The following WBP1L variants were observed in gnomAD, a reference collection of about 807,000 sequenced individuals.
WBP1L encodes WW domain binding protein 1 like.
Under a neutral mutation model 33.7 loss-of-function variants are expected in WBP1L, and 17 were observed. The observed-to-expected ratio is 0.50, with a 90% confidence interval of 0.34 to 0.76. WBP1L has a LOEUF of 0.76. Among genes scored for constraint, WBP1L ranks in the 30% least tolerant of loss-of-function variants. The pLI is 0.01. For missense variants in WBP1L, 389 were observed against 469.4 expected (o/e 0.83, Z 1.58); for synonymous variants, 173 against 190.8 (o/e 0.91, Z 0.77).
chr10:102,806,595 G>T (rs983587356), intron 2 of WBP1L, among the ~76,000 whole-genome samples: 1 of 152,228 alleles, frequency 6.6e-6, no homozygotes, highest in South Asian at 2.1e-4. Context: ...AAAGGAGACT[G>T]CTAAGTTCAC....
chr10:102,779,645 T>G (rs1843311409), intron 1 of WBP1L, among the ~76,000 whole-genome samples: 1 of 152,110 alleles, frequency 6.6e-6, no homozygotes, highest in South Asian at 2.1e-4. Context: ...GGCCCCAGAA[T>G]ATGCATTTCT....
intron 1 of WBP1L, among the ~76,000 whole-genome samples, chr10:102,748,125 G>C (rs1250566982): frequency 5.9e-5 from 9 of 151,904 alleles, no homozygotes; most frequent in Non-Finnish European, 1.3e-4. Context: ...GCATGGTGGT[G>C]GGCACCTGTA....
chr10:102,752,634 G>C (rs1842936567), intron 1 of WBP1L, among the ~76,000 whole-genome samples: 1 of 152,152 alleles, frequency 6.6e-6, no homozygotes, highest in Admixed American at 6.6e-5. Context: ...CTGATGGTCA[G>C]TTATTTTCTG....
intron 1 of WBP1L, among the ~76,000 whole-genome samples, chr10:102,767,245 T>C (rs1036249312): frequency 8.5e-5 from 13 of 152,300 alleles, no homozygotes; most frequent in African/African-American, 3.1e-4. Flanking sequence ...AAGTAATAAA[T>C]ATTTCTGCAG....
rs758588293 is a variant in WBP1L, at chr10:102,744,069, C to T, written c.16C>T (p.Leu6Phe). 2 of 1,552,228 alleles carry T rather than the reference C, an allele frequency of 1.3e-6. No individual in the cohort carries two copies. The highest frequency in any genetic ancestry group is 2.4e-5 in the South Asian group (2 of 84,034). ...CAGGAGGGGGATGGAGAGGAGAAGG[C>T]TCCTGGGTGGCATGGCGCTCCTGCT... MERRR[L>F]LGGMALLLLQ... The change falls in exon 1 of 4, where the codon CTC (leucine) becomes TTC (phenylalanine). Residue 6 changes from leucine (L) to phenylalanine (F), a missense_variant. Leu to Phe is a conservative substitution (Grantham distance 22). Coordinates refer to ENST00000448841, the MANE Select transcript of WBP1L (RefSeq NM_001083913.2).
intron 1 of WBP1L, among the ~76,000 whole-genome samples, chr10:102,792,575 ACTTTTTTTTTTCTTTT>A (rs1843515959): frequency 7.5e-6 from 1 of 133,962 alleles, no homozygotes; most frequent in African/African-American, 2.8e-5. Context: ...CTTCCTAGTT[ACTTTTTTTTTTCTTTT>A]CTTTTTTTTT....
intron 1 of WBP1L, among the ~76,000 whole-genome samples, chr10:102,792,300 G>A (rs951934937): frequency 2.0e-5 from 3 of 152,208 alleles, no homozygotes; most frequent in Non-Finnish European, 2.9e-5. Context: ...TCGCGTAAGC[G>A]CATTCATTAT....
intron 1 of WBP1L, among the ~76,000 whole-genome samples, chr10:102,770,880 C>G (rs1843179217): frequency 6.6e-6 from 1 of 152,196 alleles, no homozygotes; most frequent in Admixed American, 6.5e-5. Flanking sequence ...TTCTGATATT[C>G]TAATAGCTGA....
chr10:102,761,259 CCT>C (rs1283008815), intron 1 of WBP1L, among the ~76,000 whole-genome samples: 1 of 151,494 alleles, frequency 6.6e-6, no homozygotes, highest in Non-Finnish European at 1.5e-5. Flanking sequence ...CCTGCCTCAG[CCT>C]CTCAAGTAGC....
chr10:102,797,913 C>T (rs746147669), intron 1 of WBP1L, 80 bp from the exon 2 acceptor site: 135 of 1,292,690 alleles, frequency 1.0e-4, no homozygotes, highest in Non-Finnish European at 1.5e-4. Flanking sequence ...GGTGAATAGA[C>T]AACCAGGAGG....
chr10:102,789,159 C>T (rs999730660), intron 1 of WBP1L, among the ~76,000 whole-genome samples: 7 of 152,098 alleles, frequency 4.6e-5, no homozygotes, highest in African/African-American at 7.2e-5. Context: ...GATGGGTTTT[C>T]GCCATGTTGG....
chr10:102,771,977 T>G (rs920738228), intron 1 of WBP1L, among the ~76,000 whole-genome samples: 2 of 142,548 alleles, frequency 1.4e-5, no homozygotes, highest in Non-Finnish European at 3.0e-5. Context: ...TTTTTTTTTC[T>G]TGAGACGGAG....
At chr10:102,811,467 G>T (rs1843841970) in intron 3 of WBP1L, among the ~76,000 whole-genome samples, 1 of 152,186 alleles carries the variant, frequency 6.6e-6, no homozygotes. Context: ...CCAGTCTACA[G>T]TGTATTCTAC....
chr10:102,779,681 C>T (rs573489337), intron 1 of WBP1L, among the ~76,000 whole-genome samples: 1 of 128,962 alleles, frequency 7.8e-6, no homozygotes, highest in South Asian at 2.3e-4. Flanking sequence ...TGTTTCTGAT[C>T]CCGGTTGTTT....
At chr10:102,751,384 C>A (rs1029907583) in intron 1 of WBP1L, among the ~76,000 whole-genome samples, 35 of 149,936 alleles carry the variant, frequency 2.3e-4, no homozygotes, top group African/African-American at 7.9e-4. Flanking sequence ...GTGGTGCAAT[C>A]TCAGCTCACT....
intron 1 of WBP1L, among the ~76,000 whole-genome samples, chr10:102,746,323 A>G (rs910715535): frequency 6.6e-6 from 1 of 152,192 alleles, no homozygotes; most frequent in East Asian, 1.9e-4. Flanking sequence ...GATGAATGCT[A>G]TCACTGACCA....
chr10:102,776,226 GCCTGCTCGGT>G, intron 1 of WBP1L: 1 of 1,524,928 alleles, frequency 6.6e-7, no homozygotes, highest in Non-Finnish European at 8.8e-7. Context: ...GAGACAGTGT[GCCTGCTCGGT>G]CCCAGGACTC....
chr10:102,800,899 T>C (rs556628285), intron 2 of WBP1L, among the ~76,000 whole-genome samples: 17 of 152,220 alleles, frequency 1.1e-4, no homozygotes, highest in Non-Finnish European at 2.2e-4. Context: ...AGCCAGGAAA[T>C]CCTTTGGCAG....
At chr10:102,769,872 G>C (rs541019839) in intron 1 of WBP1L, among the ~76,000 whole-genome samples, 2 of 152,322 alleles carry the variant, frequency 1.3e-5, no homozygotes, top group South Asian at 2.1e-4. Context: ...AGACTCAGTA[G>C]TAGGAAAGCA....
Sources: allele counts gnomAD v4.1 joint callset (sites outside exome capture counted in the v4.1 genomes callset), GRCh38; gene constraint gnomAD v4.1.1; transcripts MANE v1.5; gene names NCBI Gene and HGNC (gene_info 2026-07-23, HGNC 2026-07-21).